Variants in CKAP2 observed in about 807,000 individuals in gnomAD.
CKAP2 encodes cytoskeleton associated protein 2.
A neutral mutation model predicts 58.4 loss-of-function variants in CKAP2; 46 were observed. The observed-to-expected ratio is 0.79, with a 90% CI of 0.62 to 1.01. The LOEUF (loss-of-function observed/expected upper bound fraction) is 1.01, where lower values mean the gene tolerates loss of function less well. CKAP2 is among the 50% of genes least tolerant of loss of function. CKAP2 has a pLI of 0.00. For missense variants in CKAP2, 809 were observed against 796.4 expected (o/e 1.02, Z -0.19); for synonymous variants, 293 against 280.9 (o/e 1.04, Z -0.43).
chr13:52,465,547 T>A, intron 6 of CKAP2, 82 bp downstream of exon 6: 8 of 1,263,436 alleles, frequency 6.3e-6, no homozygotes, highest in Non-Finnish European at 7.9e-6. Flanking sequence ...ACAACATAAC[T>A]TGAGAAAATT....
intron 4 of CKAP2, 77 bp from the exon 5 acceptor site, chr13:52,462,286 A>AT (rs1439766961): frequency 2.2e-5 from 29 of 1,329,302 alleles, no homozygotes; most frequent in Admixed American, 6.8e-5. Flanking sequence ...TAAAAATATG[A>AT]TTTTTTCTTT....
At chr13:52,458,879 A>G (rs1021266541) in intron 2 of CKAP2, among the ~76,000 whole-genome samples, 2 of 152,104 alleles carry the variant, frequency 1.3e-5, no homozygotes, top group African/African-American at 2.4e-5. Flanking sequence ...AAAGGAAAAC[A>G]GATGTCAATT....
Position 52,461,585 on chromosome 13 carries a change from ACCT to A in CKAP2, c.763_765del (p.Pro255del). ...CATCTCAGAACACACAACTTGTGCG[ACCT>A]CCTATTAGAAGTCATCACAGTAATA... On this transcript the variant is annotated inframe_deletion, in exon 4 of 9. Coordinates refer to ENST00000258607, the MANE Select transcript of CKAP2 (RefSeq NM_018204.5). 1 of 1,614,060 alleles carries A rather than the reference ACCT, an allele frequency of 6.2e-7. No individual in the cohort carries two copies. The highest frequency in any genetic ancestry group is 8.5e-7 in the Non-Finnish European group (1 of 1,180,000).
chr13:52,472,748 T>C (rs1958777195), intron 7 of CKAP2, among the ~76,000 whole-genome samples: 3 of 152,230 alleles, frequency 2.0e-5, no homozygotes, highest in South Asian at 4.1e-4. Context: ...TATTCATTTG[T>C]TAATAAGTTC....
At chr13:52,464,272 G>A (rs1219803572) in intron 5 of CKAP2, among the ~76,000 whole-genome samples, 1 of 152,070 alleles carries the variant, frequency 6.6e-6, no homozygotes, top group African/African-American at 2.4e-5. Context: ...CATTCATCTG[G>A]TCAGGTGGGG....
In CKAP2 at chr13:52,461,710, C is replaced by A; in HGVS notation, c.884C>A (p.Ala295Asp). The A allele has an allele frequency of 1.2e-6, 2 of 1,613,882 alleles. No individual in the cohort carries two copies. The highest frequency in any genetic ancestry group is 2.2e-5 in the South Asian group (2 of 91,050). Reference sequence around the variant, plus strand: ...AAAGAACTATTACAATCAAAAACAGCTTTATCTAGTGTCAAAACCAGTTCT... The same window carrying A: ...AAAGAACTATTACAATCAAAAACAGATTTATCTAGTGTCAAAACCAGTTCT... The part of the protein sequence containing the change: ...HEKELLQSKT[A>D]LSSVKTSSSQ... The change falls in exon 4 of 9, where the codon GCT (alanine) becomes GAT (aspartate). Residue 295 changes from alanine (A) to aspartate (D), a missense_variant. Ala to Asp is a moderately radical substitution (Grantham distance 126). Around this residue, in one of 3 missense-constraint regions of CKAP2, gnomAD observed 523 missense variants for 492.4 expected, o/e 1.06. Coordinates refer to ENST00000258607, the MANE Select transcript of CKAP2 (RefSeq NM_018204.5).
chr13:52,455,907 C>G, intron 1 of CKAP2: 1 of 1,139,678 alleles, frequency 8.8e-7, no homozygotes, highest in Non-Finnish European at 1.1e-6. Context: ...GGGCCTCAGG[C>G]CGGGGTCGGT....
intron 2 of CKAP2, among the ~76,000 whole-genome samples, chr13:52,457,543 A>G (rs1365432064): frequency 6.6e-6 from 1 of 152,178 alleles, no homozygotes; most frequent in Non-Finnish European, 1.5e-5. Context: ...CTCTCTAGGG[A>G]TAACCAGTAA....
At chr13:52,471,166 A>G (rs1958757211) in intron 7 of CKAP2, among the ~76,000 whole-genome samples, 1 of 152,198 alleles carries the variant, frequency 6.6e-6, no homozygotes, top group Non-Finnish European at 1.5e-5. Context: ...CAAAAAGAAA[A>G]ATAAAAAAAA....
Position 52,461,354 on chromosome 13 carries a change from A to G in CKAP2, c.528A>G (p.Gly176=). 2 of 1,614,238 alleles carry G rather than the reference A, an allele frequency of 1.2e-6. No individual in the cohort carries two copies. Among genetic ancestry groups the G allele is most frequent in the Non-Finnish European group, 1.7e-6 (2 of 1,180,036 alleles). Residue 176 remains glycine, a synonymous_variant, in exon 4 of 9, where the codon GGA becomes GGG. Transcript: ENST00000258607. ...ACATGCCCAAGAAACCTGTGCTTGG[A>G]TCTTATCGTGGCCAGATTGTTCAGT... ...DANMPKKPVL[G]SYRGQIVQSK...
intron 6 of CKAP2, among the ~76,000 whole-genome samples, chr13:52,467,140 G>A (rs1958691196): frequency 6.6e-6 from 1 of 150,890 alleles, no homozygotes; most frequent in Non-Finnish European, 1.5e-5. Flanking sequence ...AAAACTGAAA[G>A]CAGGATAGCT....
rs1268044833 is a variant in CKAP2, at chr13:52,468,341, A to G, written c.1540A>G (p.Asn514Asp). The G allele has an allele frequency of 1.9e-6, 3 of 1,585,730 alleles. No homozygotes were observed. The South Asian group carries it at 3.4e-5, about 18-fold the overall frequency. Residue 514 changes from asparagine to aspartate, a missense_variant, in exon 7 of 9, where the codon AAT (asparagine) becomes GAT (aspartate). Around this residue, in one of 3 missense-constraint regions of CKAP2, gnomAD observed 283 missense variants for 287.6 expected, o/e 0.98. Coordinates refer to ENST00000258607, the MANE Select transcript of CKAP2 (RefSeq NM_018204.5). Reference protein sequence around the residue: ...ILTMKSQEKANLGENMEKSCA... With the variant: ...ILTMKSQEKADLGENMEKSCA... ...AACAATGAAGAGTCAAGAAAAAGCT[A>G]ATTTAGGTAAGTTTTAGTTATTTTA...
intron 6 of CKAP2, among the ~76,000 whole-genome samples, chr13:52,467,336 A>G (rs1024940779): frequency 2.0e-5 from 3 of 152,212 alleles, no homozygotes; most frequent in African/African-American, 7.2e-5. Context: ...TACATTTCAT[A>G]GCATATGAAA....
rs1054169143 is a variant in CKAP2 at position 52,475,595 on chromosome 13, T to G, written c.*454T>G. 5.9e-5 allele frequency: 9 copies of G among 153,144 alleles called. No homozygotes were observed. The highest frequency in any genetic ancestry group is 2.2e-4 in the African/African-American group (9 of 41,458). 9.5% of individuals were successfully genotyped at this position (153,144 alleles called of 1,614,324 possible). A position where few individuals can be genotyped will look rare whatever the true frequency, so the allele number is the denominator to read the frequency against. The stretch of plus-strand genomic sequence containing the variant: ...TTCTTTTTTTTGGCCTTTCTCAGAT[T>G]AGTCAAAAATTCTATAGAATGACTC... On this transcript the variant is annotated 3_prime_UTR_variant, in exon 9 of 9. Transcript: ENST00000258607.
chr13:52,458,713 A>T (rs957680456), intron 2 of CKAP2, among the ~76,000 whole-genome samples: 1 of 152,054 alleles, frequency 6.6e-6, no homozygotes, highest in African/African-American at 2.4e-5. Context: ...AAATATAAAA[A>T]TTAGCCGGGT....
At position 52,467,146 on chromosome 13, in the gene CKAP2, T is replaced by G. The variant is rs554906559; in HGVS notation, c.1477-1132T>G. Reference sequence around the variant, plus strand: ...TTAGCCAAGAAAACTGAAAGCAGGATAGCTGAGTAATTCAGGACTCAGTTC... The same window carrying G: ...TTAGCCAAGAAAACTGAAAGCAGGAGAGCTGAGTAATTCAGGACTCAGTTC... On this transcript the variant is annotated intron_variant, in intron 6 of 8. Coordinates refer to ENST00000258607, the MANE Select transcript of CKAP2 (RefSeq NM_018204.5). Among the ~76,000 whole-genome samples the G allele has an allele frequency of 1.1e-4, 16 of 150,116 alleles. 1 individual carries two copies. The South Asian group carries it at 3.0e-3, about 28-fold the overall frequency.
At chr13:52,462,974 C>G (rs113058124) in intron 5 of CKAP2, among the ~76,000 whole-genome samples, 2,651 of 152,248 alleles carry the variant, frequency 0.017, 75 homozygotes, top group Admixed American at 0.08. Context: ...GACAGTCACT[C>G]TCACCCAAGC....
chr13:52,470,791 G>A (rs974517943), intron 7 of CKAP2, among the ~76,000 whole-genome samples: 2 of 152,184 alleles, frequency 1.3e-5, no homozygotes, highest in African/African-American at 4.8e-5. Flanking sequence ...GAAGGAGCTT[G>A]AGAAGGAGGG....
Position 52,475,122 on chromosome 13 carries a change from A to G in CKAP2, c.2030A>G (p.Tyr677Cys), listed in dbSNP as rs1958811051. 1.2e-6 allele frequency: 2 copies of G among 1,614,096 alleles called. No individual in the cohort carries two copies. Among genetic ancestry groups the G allele is most frequent in the African/African-American group, 1.3e-5 (1 of 75,058 alleles). Residue 677 changes from tyrosine to cysteine, a missense_variant, in exon 9 of 9, where the codon TAT (tyrosine) becomes TGT (cysteine). Physicochemically the swap from Tyr to Cys is radical, Grantham distance 194 (BLOSUM62 -2). This residue lies in a region of CKAP2 where 283 missense variants were observed against 287.6 expected (regional missense o/e 0.98). Coordinates refer to ENST00000258607, the MANE Select transcript of CKAP2 (RefSeq NM_018204.5). ...RPNAALCRVYYEADTT is the reference protein window; with the variant it reads ...RPNAALCRVYCEADTT ...AATGCAGCACTGTGCCGGGTGTACT[A>G]TGAGGCTGATACAACATAAGAGAAA...
Sources: allele counts gnomAD v4.1 joint callset (sites outside exome capture counted in the v4.1 genomes callset), GRCh38; gene constraint gnomAD v4.1.1; regional missense constraint gnomAD v4.1.1; transcripts MANE v1.5; gene names NCBI Gene and HGNC (gene_info 2026-07-23, HGNC 2026-07-21).